Variants in DHX32 observed in about 807,000 individuals in gnomAD.
The protein encoded by DHX32 is DEAH-box helicase 32 (putative).
In DHX32, 51 loss-of-function variants were observed where a neutral mutation model predicts 70.0. That is an observed-to-expected ratio of 0.73 (90% CI 0.58 to 0.92). The LOEUF (loss-of-function observed/expected upper bound fraction) is 0.92. Ranked by LOEUF, DHX32 falls within the 40% of genes least tolerant of loss-of-function variation. DHX32 has a pLI of 0.00. For synonymous variants in DHX32, 310 were observed against 315.3 expected (o/e 0.98, Z 0.18); for missense variants, 762 against 891.8 (o/e 0.85, Z 1.85).
At chr10:125,895,436 C>T (rs1944454943) in intron 1 of DHX32, among the ~76,000 whole-genome samples, 1 of 152,260 alleles carries the variant, frequency 6.6e-6, no homozygotes, top group East Asian at 1.9e-4. Flanking sequence ...CTTAATGCCC[C>T]TGCACTTTCT....
intron 8 of DHX32, among the ~76,000 whole-genome samples, chr10:125,840,198 C>G (rs1182469623): frequency 2.6e-5 from 4 of 152,224 alleles, no homozygotes; most frequent in Non-Finnish European, 4.4e-5. Context: ...TTGCCCCCTC[C>G]TCTTGTTTCT....
intron 1 of DHX32, among the ~76,000 whole-genome samples, chr10:125,893,563 C>T (rs75740799): frequency 6.6e-6 from 1 of 152,124 alleles, no homozygotes; most frequent in South Asian, 2.1e-4. Context: ...AGACTGTGGA[C>T]GAGTAAAGGG....
At chr10:125,850,083 A>G (rs1944070312) in intron 6 of DHX32, among the ~76,000 whole-genome samples, 1 of 151,352 alleles carries the variant, frequency 6.6e-6, no homozygotes, top group Non-Finnish European at 1.5e-5. Context: ...CTCCTGACTC[A>G]GCTTCCCAAA....
chr10:125,841,846 G>T lies in DHX32; in HGVS notation c.1440C>A (p.Ile480=). The change falls in exon 7 of 11, where the codon ATC becomes ATA. Residue 480 remains isoleucine (I), a synonymous_variant. Transcript: ENST00000284690. ...GTGGATCAAGAGGAAACTCTGACAT[G>T]ATGATTCCAAATTCAGAAAGATTTC... ...NDGNLSEFGI[I]MSEFPLDPQL... 6.2e-7 allele frequency: 1 copy of T among 1,613,694 alleles called. No individual in the cohort carries two copies. Among genetic ancestry groups the T allele is most frequent in the Non-Finnish European group, 8.5e-7 (1 of 1,179,884 alleles).
In DHX32 at chr10:125,853,999, C is replaced by CT; in HGVS notation, c.1053dup (p.Val352SerfsTer55). On this transcript the variant is annotated frameshift_variant, in exon 4 of 11. Transcript: ENST00000284690. LOFTEE classifies it high-confidence loss of function. The stretch of plus-strand genomic sequence containing the variant: ...ACACCCACATCGATAACAAATCTGA[C>CT]TGAGTTGCTCCAGATCAAAAACTCT... 1.2e-6 allele frequency: 2 copies of CT among 1,613,996 alleles called. No individual in the cohort carries two copies. Among genetic ancestry groups the CT allele is most frequent in the Non-Finnish European group, 8.5e-7 (1 of 1,179,962 alleles).
chr10:125,885,557 T>C (rs767158308), upstream of DHX32, among the ~76,000 whole-genome samples: 1 of 152,124 alleles, frequency 6.6e-6, no homozygotes, highest in Non-Finnish European at 1.5e-5. Context: ...GAGTGACCTC[T>C]AGGAGCTAGA....
At chr10:125,888,731 T>C (rs1426133437) in intron 1 of DHX32, among the ~76,000 whole-genome samples, 2 of 152,298 alleles carry the variant, frequency 1.3e-5, no homozygotes, top group African/African-American at 2.4e-5. Context: ...CTGAACTTTA[T>C]TGTGATAGCA....
In DHX32 at chr10:125,880,974, T is replaced by C; in HGVS notation, c.-150A>G. On this transcript the variant is annotated 5_prime_UTR_variant, in exon 1 of 11. Transcript: ENST00000284690. ...CAGTTCAAGGTTTTAGCAAGTTAAA[T>C]TCCTCAAACCTGCATCTGTTCTCCG... The C allele has an allele frequency of 1.1e-6, 1 of 937,008 alleles. No homozygotes were observed. The highest frequency in any genetic ancestry group is 1.7e-5 in the South Asian group (1 of 57,726). The allele number at this position is 937,008 out of a possible 1,614,324, so 58.0% of individuals were successfully genotyped here. A position where few individuals can be genotyped will look rare whatever the true frequency, so the allele number is the denominator to read the frequency against.
intron 6 of DHX32, among the ~76,000 whole-genome samples, chr10:125,846,150 A>G (rs1330839969): frequency 6.6e-6 from 1 of 152,202 alleles, no homozygotes; most frequent in Non-Finnish European, 1.5e-5. Flanking sequence ...AAGTTCTGCC[A>G]CTTCACAAAT....
intron 6 of DHX32, among the ~76,000 whole-genome samples, chr10:125,846,551 C>T (rs553337469): frequency 6.6e-6 from 1 of 152,330 alleles, no homozygotes; most frequent in South Asian, 2.1e-4. Flanking sequence ...GGGACAGCCT[C>T]ACTCTTGGCC....
chr10:125,883,302 G>A (rs944033337), upstream of DHX32, among the ~76,000 whole-genome samples: 1 of 152,212 alleles, frequency 6.6e-6, no homozygotes, highest in Admixed American at 6.5e-5. Flanking sequence ...TGTTCCAAAT[G>A]GAGAGGTAGA....
At chr10:125,888,184 T>G (rs1373878090) in intron 1 of DHX32, among the ~76,000 whole-genome samples, 1 of 151,988 alleles carries the variant, frequency 6.6e-6, no homozygotes, top group Non-Finnish European at 1.5e-5. Flanking sequence ...GTTTCAACAT[T>G]ATCTGTTTGA....
rs538411123 is a variant in DHX32 at position 125,866,728 on chromosome 10, C to T, written c.476+262G>A. On this transcript the variant is annotated intron_variant, in intron 2 of 10. Coordinates refer to ENST00000284690, the MANE Select transcript of DHX32 (RefSeq NM_018180.3). This position sits in a 1 kb window ranked among gnomAD's most constrained non-coding sequence, Gnocchi z 4.8. ...CATGAGGCATAGCTCCAGAAGCACA[C>T]GCTTGAAGGTTCTGAGGGGCCAAGC... Among the ~76,000 whole-genome samples the T allele has an allele frequency of 4.1e-4, 62 of 152,336 alleles. No homozygotes were observed. Among genetic ancestry groups the T allele is most frequent in the South Asian group, 8.3e-4 (4 of 4,832 alleles).
chr10:125,842,831 T>C (rs775082084), intron 6 of DHX32: 6 of 931,908 alleles, frequency 6.4e-6, no homozygotes, highest in African/African-American at 1.8e-5. Context: ...TTTATTTCTT[T>C]TAAGTTTATG....
chr10:125,852,737 C>G, intron 4 of DHX32, 95 bp from the exon 5 acceptor site: 1 of 1,094,498 alleles, frequency 9.1e-7, no homozygotes, highest in Non-Finnish European at 1.3e-6. Context: ...GTACTTTACT[C>G]CATGAAATGC....
intron 7 of DHX32, chr10:125,841,445 T>A: frequency 6.5e-7 from 1 of 1,550,070 alleles, no homozygotes; most frequent in Non-Finnish European, 8.7e-7. Flanking sequence ...ACACCTCTAG[T>A]GACACATTTT....
intron 2 of DHX32, among the ~76,000 whole-genome samples, chr10:125,863,064 TAATAA>T (rs1944199617): frequency 1.3e-5 from 2 of 151,586 alleles, no homozygotes; most frequent in Admixed American, 1.3e-4. Flanking sequence ...GCTAAGACTA[TAATAA>T]AATAAAGTTT....
intron 6 of DHX32, among the ~76,000 whole-genome samples, chr10:125,849,724 T>TA (rs111610177): frequency 0.013 from 1,907 of 152,316 alleles, 60 homozygotes; most frequent in East Asian, 0.093. Flanking sequence ...CTCCTCTTAG[T>TA]ACATGTAAAT....
chr10:125,851,442 GCCTT>G (rs1020569416), intron 6 of DHX32, among the ~76,000 whole-genome samples: 58 of 152,238 alleles, frequency 3.8e-4, no homozygotes, highest in African/African-American at 1.4e-3. Flanking sequence ...ACATCACCAA[GCCTT>G]CCTTTTCTTC....
Sources: gnomAD v4.1 joint callset for allele counts (sites outside exome capture counted in the v4.1 genomes callset) on GRCh38, gnomAD v4.1.1 for gene constraint, Gnocchi (gnomAD v3.1) non-coding constraint, MANE v1.5 for transcripts, NCBI Gene and HGNC (gene_info 2026-07-23, HGNC 2026-07-21) for gene names.